The following SDK1 variants were observed in gnomAD, a reference collection of about 807,000 sequenced individuals.
The protein encoded by SDK1 is sidekick cell adhesion molecule 1.
Under a neutral mutation model 245.5 loss-of-function variants are expected in SDK1, and 157 were observed. The observed-to-expected ratio is 0.64, with a 90% CI of 0.56 to 0.73. SDK1 has a LOEUF of 0.73. Among genes scored for constraint, SDK1 ranks in the 30% least tolerant of loss-of-function variants. SDK1 has a pLI of 0.00. For missense variants in SDK1, 3,583 were observed against 3,002.3 expected (o/e 1.19, Z -4.52); for synonymous variants, 1,647 against 1,278.5 (o/e 1.29, Z -6.15).
intron 1 of SDK1, among the ~76,000 whole-genome samples, chr7:3,424,786 G>A (rs56274526): frequency 0.35 from 52,546 of 151,740 alleles, 11,902 homozygotes; most frequent in African/African-American, 0.65. Context: ...AGTCCTAGCT[G>A]CTTGGGAGAC....
chr7:4,048,276 C>G (rs1789165572), intron 17 of SDK1, among the ~76,000 whole-genome samples: 1 of 152,168 alleles, frequency 6.6e-6, no homozygotes, highest in Non-Finnish European at 1.5e-5. Flanking sequence ...TCCTTCCACC[C>G]AGTGGAAGCC....
intron 9 of SDK1, among the ~76,000 whole-genome samples, chr7:3,966,734 G>T (rs772511710): frequency 2.3e-4 from 35 of 151,986 alleles, no homozygotes; most frequent in Non-Finnish European, 3.4e-4. Flanking sequence ...CACCCAGGCT[G>T]TAGTACAGTG....
At chr7:3,759,114 A>C (rs6974594) in intron 4 of SDK1, among the ~76,000 whole-genome samples, 61,926 of 152,020 alleles carry the variant, frequency 0.41, 12,793 homozygotes, top group Middle Eastern at 0.51. Flanking sequence ...AAACAAATTT[A>C]CCAACCAAAA....
chr7:3,515,030 T>A (rs1583983064), intron 1 of SDK1, among the ~76,000 whole-genome samples: 1 of 151,996 alleles, frequency 6.6e-6, no homozygotes, highest in Non-Finnish European at 1.5e-5. Context: ...GCTTGGAGGG[T>A]GCCTTTGGCA....
At chr7:4,248,394 C>T (rs35913974) in intron 44 of SDK1, among the ~76,000 whole-genome samples, 26,577 of 151,094 alleles carry the variant, frequency 0.18, 2,798 homozygotes, top group Non-Finnish European at 0.24. Flanking sequence ...TACACATATG[C>T]ACACATATGT....
chr7:3,722,809 C>T (rs1005733997), intron 4 of SDK1, among the ~76,000 whole-genome samples: 2 of 152,174 alleles, frequency 1.3e-5, no homozygotes, highest in Non-Finnish European at 2.9e-5. Flanking sequence ...GAGGCTGAAG[C>T]AGGGTGGGCT....
chr7:3,913,588 C>T (rs892347814), intron 5 of SDK1, among the ~76,000 whole-genome samples: 3 of 152,092 alleles, frequency 2.0e-5, no homozygotes, highest in Non-Finnish European at 2.9e-5. Flanking sequence ...CCACCGTGCC[C>T]GGCCCTGTTA....
intron 19 of SDK1, among the ~76,000 whole-genome samples, chr7:4,059,479 A>G (rs2128170171): frequency 6.6e-6 from 1 of 152,348 alleles, no homozygotes; most frequent in African/African-American, 2.4e-5. Flanking sequence ...GAGAGACAGC[A>G]ATACAATAAT....
At chr7:3,868,976 A>G (rs1780889631) in intron 5 of SDK1, among the ~76,000 whole-genome samples, 1 of 152,174 alleles carries the variant, frequency 6.6e-6, no homozygotes, top group African/African-American at 2.4e-5. Context: ...GCAGTAATAC[A>G]AAAGGGAAAT....
chr7:4,261,800 G>A (rs1042576624), intron 44 of SDK1, among the ~76,000 whole-genome samples: 16 of 152,016 alleles, frequency 1.1e-4, no homozygotes, highest in Middle Eastern at 3.4e-3. Flanking sequence ...TGTGAGAGAC[G>A]GGGGCCCTGG....
chr7:4,085,190 T>G (rs990735554), intron 22 of SDK1, among the ~76,000 whole-genome samples: 1 of 152,256 alleles, frequency 6.6e-6, no homozygotes, highest in Admixed American at 6.5e-5. Flanking sequence ...TGAATTTGCC[T>G]GTGTATCTTA....
chr7:4,027,659 A>G (rs749734130), intron 17 of SDK1, among the ~76,000 whole-genome samples: 1 of 152,254 alleles, frequency 6.6e-6, no homozygotes, highest in Non-Finnish European at 1.5e-5. Context: ...GTTTATGTAG[A>G]TGGAAGAGAA....
intron 34 of SDK1, among the ~76,000 whole-genome samples, chr7:4,177,305 C>T (rs1167948385): frequency 6.6e-6 from 1 of 152,220 alleles, no homozygotes; most frequent in African/African-American, 2.4e-5. Context: ...ACACATGGGA[C>T]CTCGGAAAAG....
At chr7:3,810,122 T>C (rs1231057440) in intron 4 of SDK1, among the ~76,000 whole-genome samples, 2 of 152,242 alleles carry the variant, frequency 1.3e-5, no homozygotes, top group African/African-American at 4.8e-5. Flanking sequence ...GACTGCTGTT[T>C]GCAGAGTATC....
intron 4 of SDK1, among the ~76,000 whole-genome samples, chr7:3,819,568 A>C (rs2115057935): frequency 6.6e-6 from 1 of 152,226 alleles, no homozygotes; most frequent in African/African-American, 2.4e-5. Context: ...TTTAGCTGCC[A>C]GTGTAACATA....
intron 22 of SDK1, among the ~76,000 whole-genome samples, chr7:4,086,880 C>G (rs1415859381): frequency 6.6e-6 from 1 of 152,162 alleles, no homozygotes; most frequent in East Asian, 1.9e-4. Context: ...ATTTTTGCCA[C>G]TGTATCTTTG....
chr7:4,178,852 T>C lies in SDK1; in HGVS notation c.5098+266T>C, dbSNP rs1410791486. Among the ~76,000 whole-genome samples, 3 of 152,258 alleles carry C rather than the reference T, an allele frequency of 2.0e-5. No homozygotes were observed. The South Asian group carries it at 6.2e-4, about 31-fold the overall frequency. On this transcript the variant is annotated intron_variant, in intron 35 of 44. Coordinates refer to ENST00000404826, the MANE Select transcript of SDK1 (RefSeq NM_152744.4). Reference sequence around the variant, plus strand: ...CGATACCTGGGGCCATCATATTTACTGTGGCTTTGCTCTACGAAAGTGGTA... The same window carrying C: ...CGATACCTGGGGCCATCATATTTACCGTGGCTTTGCTCTACGAAAGTGGTA...
At chr7:3,920,845 A>G (rs573757683) in intron 5 of SDK1, among the ~76,000 whole-genome samples, 3 of 152,308 alleles carry the variant, frequency 2.0e-5, no homozygotes, top group South Asian at 2.1e-4. Flanking sequence ...ATTTACGGGA[A>G]GATGGATCTC....
intron 4 of SDK1, among the ~76,000 whole-genome samples, chr7:3,689,385 T>C (rs1166691736): frequency 6.6e-6 from 1 of 152,054 alleles, no homozygotes; most frequent in East Asian, 1.9e-4. Context: ...GTAGCTACCA[T>C]CCTGCCGTTA....
Sources: allele counts gnomAD v4.1 joint callset (sites outside exome capture counted in the v4.1 genomes callset), GRCh38; gene constraint gnomAD v4.1.1; transcripts MANE v1.5; gene names NCBI Gene and HGNC (gene_info 2026-07-23, HGNC 2026-07-21).